CFAP47: variants seen among roughly 807,000 people sequenced by gnomAD.
CFAP47 encodes the protein cilia- and flagella-associated protein 47.
CFAP47 carries 29 observed loss-of-function variants against 148.1 expected under a neutral mutation model. That is an observed-to-expected ratio of 0.20 (90% confidence interval 0.15 to 0.27). The LOEUF (loss-of-function observed/expected upper bound fraction) is 0.27, where lower values mean the gene tolerates loss of function less well. Among genes scored for constraint, CFAP47 ranks in the 10% least tolerant of loss-of-function variants. CFAP47 has a pLI of 1.00. For synonymous variants in CFAP47, 664 were observed against 577.3 expected (o/e 1.15, Z -2.15); for missense variants, 1,872 against 1,697.5 (o/e 1.10, Z -1.81).
intron 8 of CFAP47, among the ~76,000 whole-genome samples, chrX:35,961,515 A>C (rs986562638): frequency 9.0e-6 from 1 of 110,933 alleles, no homozygotes; most frequent in African/African-American, 3.3e-5. Context: ...GGCTATTCAT[A>C]TTATTCATTT....
intron 39 of CFAP47, among the ~76,000 whole-genome samples, chrX:36,166,692 T>C (rs951704275): frequency 8.9e-6 from 1 of 111,755 alleles, no homozygotes; most frequent in Non-Finnish European, 1.9e-5. Flanking sequence ...GTAGACATTG[T>C]AGACAATATA....
At chrX:36,089,335 C>T (rs996919266) in intron 30 of CFAP47, among the ~76,000 whole-genome samples, 6 of 110,373 alleles carry the variant, frequency 5.4e-5, no homozygotes, top group Admixed American at 1.9e-4. Context: ...CACCACTGTA[C>T]TCCAGCCTGG....
intron 33 of CFAP47, among the ~76,000 whole-genome samples, chrX:36,116,251 A>T (rs750067341): frequency 9.0e-6 from 1 of 111,482 alleles, no homozygotes; most frequent in Non-Finnish European, 1.9e-5. Flanking sequence ...AGTGTCTGTT[A>T]TCTCTATCTT....
rs28513705 is a variant in CFAP47 at position 36,215,112 on chromosome X, C to T, written c.6817+10002C>T. Among the ~76,000 whole-genome samples, 404 of 110,818 alleles carry T rather than the reference C, an allele frequency of 3.6e-3. 1 individual carries two copies. The highest frequency in any genetic ancestry group is 6.2e-3 in the African/African-American group (190 of 30,451). ...TATGCACTGCAGCAGGACATTATGA[C>T]GTCACTAGGCAGTAGGAATTCTTCA... On this transcript the variant is annotated intron_variant, in intron 45 of 63. Coordinates refer to ENST00000378653, the MANE Select transcript of CFAP47 (RefSeq NM_001304548.2).
chrX:36,083,997 G>A (rs766668255), intron 29 of CFAP47, among the ~76,000 whole-genome samples: 1 of 110,591 alleles, frequency 9.0e-6, no homozygotes, highest in African/African-American at 3.3e-5. Flanking sequence ...AAATGTTGCA[G>A]TATGAATACT....
At chrX:36,148,317 T>C (rs1939262854) in intron 36 of CFAP47, among the ~76,000 whole-genome samples, 1 of 111,370 alleles carries the variant, frequency 9.0e-6, no homozygotes, top group African/African-American at 3.3e-5. Context: ...ATACTGAAGG[T>C]GTGGAATTCT....
chrX:36,055,189 G>C (rs1372278523), intron 26 of CFAP47, among the ~76,000 whole-genome samples: 2 of 109,355 alleles, frequency 1.8e-5, no homozygotes, highest in African/African-American at 6.7e-5. Context: ...TAATTTCAGG[G>C]GTACATGTGC....
chrX:36,346,187 TTTTG>T (rs797023290), intron 57 of CFAP47, among the ~76,000 whole-genome samples: 47 of 111,067 alleles, frequency 4.2e-4, no homozygotes, highest in Admixed American at 6.8e-4. Flanking sequence ...GTAATTTGTT[TTTTG>T]TTTGTTTGTT....
intron 30 of CFAP47, among the ~76,000 whole-genome samples, chrX:36,098,307 C>T (rs1938314091): frequency 1.8e-5 from 2 of 111,437 alleles, no homozygotes; most frequent in Non-Finnish European, 1.9e-5. Flanking sequence ...AGGAATGGTC[C>T]TTGGTGCCTT....
chrX:36,166,384 C>A (rs1939490011), intron 39 of CFAP47, among the ~76,000 whole-genome samples: 1 of 111,233 alleles, frequency 9.0e-6, no homozygotes, highest in South Asian at 3.7e-4. Context: ...TACTATTAAG[C>A]CCTTGAGTGA....
chrX:36,222,404 T>G (rs1044280433), intron 45 of CFAP47, among the ~76,000 whole-genome samples: 5 of 110,291 alleles, frequency 4.5e-5, no homozygotes, highest in Non-Finnish European at 9.5e-5. Flanking sequence ...TATATTATTT[T>G]AAATCTCCCT....
At chrX:36,043,821 A>C (rs774271550) in intron 25 of CFAP47, among the ~76,000 whole-genome samples, 153 of 111,537 alleles carry the variant, frequency 1.4e-3, no homozygotes, top group Non-Finnish European at 6.2e-4. Context: ...TCCAGTGGAG[A>C]CTCTGTGTGG....
rs1378034351 is a variant in CFAP47, at chrX:36,236,795, T to A, written c.7268T>A (p.Val2423Glu). ...ALEHITVECQ[V>E]GNVTQKHITL... ...GAACACATCACTGTGGAATGTCAAG[T>A]GGGGAATGTGACACAAAAGCATATA... Residue 2423 changes from valine (V) to glutamate (E), a missense_variant, in exon 48 of 64, where the codon GTG becomes GAG. Val to Glu is a moderately radical substitution (Grantham distance 121). Coordinates refer to ENST00000378653, the MANE Select transcript of CFAP47 (RefSeq NM_001304548.2). 1.9e-6 allele frequency: 1 copy of A among 515,407 alleles called. No individual in the cohort carries two copies. Among genetic ancestry groups the A allele is most frequent in the Non-Finnish European group, 3.5e-6 (1 of 283,320 alleles). 42.5% of individuals were successfully genotyped at this position (515,407 alleles called of 1,213,427 possible). A position where few individuals can be genotyped will look rare whatever the true frequency, so the allele number is the denominator to read the frequency against.
chrX:36,248,453 A>G (rs1940649173), intron 48 of CFAP47, among the ~76,000 whole-genome samples: 1 of 104,491 alleles, frequency 9.6e-6, no homozygotes, highest in East Asian at 2.8e-4. Context: ...ATTATAACAT[A>G]AAGAAAGCAT....
At chrX:36,039,412 G>A (rs1425033704) in intron 25 of CFAP47, among the ~76,000 whole-genome samples, 1 of 112,321 alleles carries the variant, frequency 8.9e-6, no homozygotes, top group African/African-American at 3.2e-5. Flanking sequence ...TCTTCATGAA[G>A]TAATAAGCAA....
In CFAP47 at chrX:35,953,991, G is replaced by GA. The variant is rs779151164; in HGVS notation, c.1174+281dup. The stretch of plus-strand genomic sequence containing the variant: ...TGATGATCTAGGGTTTAAGGAATAA[G>GA]AAAAAAAAACCCGGATTTGTTTTCT... On this transcript the variant is annotated intron_variant, in intron 7 of 63. Transcript: ENST00000378653. Among the ~76,000 whole-genome samples the GA allele has an allele frequency of 3.1e-3, 339 of 109,096 alleles. 3 individuals carry two copies. In the Middle Eastern group the frequency reaches 0.033, roughly 11 times the overall value. 94.7% of individuals were successfully genotyped at this position (109,096 alleles called of 115,157 possible).
chrX:36,018,207 G>A (rs780508231), intron 22 of CFAP47, among the ~76,000 whole-genome samples: 1 of 111,686 alleles, frequency 9.0e-6, no homozygotes, highest in African/African-American at 3.3e-5. Context: ...TTTTTCTGTC[G>A]ATTTTGTATC....
At chrX:36,238,304 C>A (rs1412829458) in intron 48 of CFAP47, among the ~76,000 whole-genome samples, 1 of 112,016 alleles carries the variant, frequency 8.9e-6, no homozygotes, top group African/African-American at 3.2e-5. Context: ...GGCTTATTGC[C>A]ATGTAAGACA....
chrX:36,064,443 G>A (rs1270930570), intron 26 of CFAP47, among the ~76,000 whole-genome samples: 1 of 111,942 alleles, frequency 8.9e-6, no homozygotes, highest in Non-Finnish European at 1.9e-5. Flanking sequence ...AATGTATAAA[G>A]AGAAAAATGT....
Sources: allele counts gnomAD v4.1 joint callset (sites outside exome capture counted in the v4.1 genomes callset), GRCh38; gene constraint gnomAD v4.1.1; transcripts MANE v1.5; gene names NCBI Gene and HGNC (gene_info 2026-07-23, HGNC 2026-07-21).